Variants in MAST3 observed in about 807,000 individuals in gnomAD.
MAST3 encodes the protein microtubule associated serine/threonine kinase 3, also known as microtubule-associated serine/threonine-protein kinase 3.
In MAST3, 43 loss-of-function variants were observed where a neutral mutation model predicts 127.0. That is an observed-to-expected ratio of 0.34 (90% CI 0.27 to 0.44). MAST3 has a LOEUF of 0.44. Among genes scored for constraint, MAST3 ranks in the 20% least tolerant of loss-of-function variants. The probability of loss-of-function intolerance (pLI) is 1.00; values close to 1 mark genes in which losing one functional copy is unlikely to be tolerated. For missense variants in MAST3, 1,390 were observed against 1,919.1 expected, an observed-to-expected ratio of 0.72 and a Z score of 5.15; for synonymous variants, 785 against 809.2, an observed-to-expected ratio of 0.97 and a Z score of 0.51.
rs763484400 is a variant in MAST3 at position 18,128,432 on chromosome 19, C to G, written c.1111C>G (p.Gln371Glu). Residue 371 changes from glutamine (Q) to glutamate (E), a missense_variant, in exon 12 of 28, where the codon CAG (glutamine) becomes GAG (glutamate). Physicochemically the swap from Gln to Glu is conservative, Grantham distance 29. Transcript: ENST00000687212. ...MVPLSHLEEEQPPAPESPESR... is the reference protein window; with the variant it reads ...MVPLSHLEEEEPPAPESPESR... ...GCCACTGAGTCACCTCGAAGAAGAA[C>G]AGCCCCCAGCACCTGAGTCCCCAGA... is the stretch of plus-strand genomic sequence containing the variant. The G allele has an allele frequency of 3.9e-5, 61 of 1,556,980 alleles. No homozygotes were observed. Among genetic ancestry groups the G allele is most frequent in the Admixed American group, 7.7e-5 (4 of 51,802 alleles).
At chr19:18,142,314 A>G (rs1322741606) in intron 21 of MAST3, among the ~76,000 whole-genome samples, 2 of 149,386 alleles carry the variant, frequency 1.3e-5, no homozygotes, top group Non-Finnish European at 3.0e-5. Context: ...GAAACAGTCA[A>G]TGTCTGCTAG....
chr19:18,116,772 C>T (rs117675495), intron 3 of MAST3, among the ~76,000 whole-genome samples: 1 of 3,536 alleles, frequency 2.8e-4, no homozygotes, highest in Admixed American at 2.6e-3. Context: ...ATTAGCTGGG[C>T]GTGGTGGTGC....
chr19:18,113,626 A>T (rs1279961883), intron 3 of MAST3, among the ~76,000 whole-genome samples: 1 of 152,062 alleles, frequency 6.6e-6, no homozygotes, highest in Non-Finnish European at 1.5e-5. Context: ...ACTCCTGGCT[A>T]ATTTTTTGTA....
In MAST3 at chr19:18,144,432, G is replaced by A. The variant is rs1197791285; in HGVS notation, c.2585-34G>A. The A allele has an allele frequency of 6.6e-7, 1 of 1,524,802 alleles. No individual in the cohort carries two copies. Among genetic ancestry groups the A allele is most frequent in the Non-Finnish European group, 8.8e-7 (1 of 1,130,010 alleles). 94.5% of individuals were successfully genotyped at this position (1,524,802 alleles called of 1,614,324 possible). On this transcript the variant is annotated intron_variant, in intron 22 of 27. Coordinates refer to ENST00000687212, the MANE Select transcript of MAST3 (RefSeq NM_001393504.1). The surrounding 1 kb of genome is among the most constrained non-coding windows in gnomAD (Gnocchi z 4.0). Reference sequence around the variant, plus strand: ...CCCTTTAGGACCACATGGTGAGTTTGAGGGGCACCCAGCTGACCCTGCTGA... The same window carrying A: ...CCCTTTAGGACCACATGGTGAGTTTAAGGGGCACCCAGCTGACCCTGCTGA...
chr19:18,116,510 G>C (rs2039275941), intron 3 of MAST3, among the ~76,000 whole-genome samples: 1 of 149,918 alleles, frequency 6.7e-6, no homozygotes, highest in African/African-American at 2.4e-5. Flanking sequence ...GGCCAGGCTG[G>C]TCTCAAACTC....
At position 18,130,709 on chromosome 19, in the gene MAST3, T is replaced by C. The variant is rs746038589; in HGVS notation, c.1432+7T>C. On this transcript the variant is annotated splice_region_variant and intron_variant, in intron 14 of 27. Coordinates refer to ENST00000687212, the MANE Select transcript of MAST3 (RefSeq NM_001393504.1). ...GTCATGGAATACGTGGAAGGTACGC[T>C]CACTGGGGCTTGCATGCCTCCAGCG... The C allele has an allele frequency of 1.2e-6, 2 of 1,611,924 alleles. No homozygotes were observed. Among genetic ancestry groups the C allele is most frequent in the African/African-American group, 2.7e-5 (2 of 74,868 alleles).
intron 12 of MAST3, 69 bp from the exon 13 acceptor site, chr19:18,128,797 G>T (rs1385231272): frequency 4.7e-6 from 6 of 1,281,072 alleles, no homozygotes; most frequent in Non-Finnish European, 6.8e-6. Context: ...AGTGGTTTGG[G>T]CTTGGGGGCA....
rs140417255 is a variant in MAST3, at chr19:18,103,186, C to T, written c.40-4401C>T. Among the ~76,000 whole-genome samples, 65 of 152,148 alleles carry T rather than the reference C, an allele frequency of 4.3e-4. No individual in the cohort carries two copies. The East Asian group carries it at 0.011, about 26-fold the overall frequency. On this transcript the variant is annotated intron_variant, in intron 1 of 27. Coordinates refer to ENST00000687212, the MANE Select transcript of MAST3 (RefSeq NM_001393504.1). ...AGGAGAGTTCTGTGTGGTCCAGCTT[C>T]CCCGGGAGCCTTTGCAGGGAGCTGC...
In MAST3 at chr19:18,134,693, A is replaced by C; in HGVS notation, c.1686A>C (p.Arg562=). ...LYEGHIEKDA[R]EFIDKQVCGT... ...AGGGCCACATCGAGAAGGACGCCCG[A>C]GAGTTCATCGACAAGCAGGTGGGCG... Residue 562 remains arginine (R), a synonymous_variant, in exon 16 of 28, where the codon CGA becomes CGC. Transcript: ENST00000687212. The C allele has an allele frequency of 6.2e-7, 1 of 1,613,664 alleles. No individual in the cohort carries two copies. The highest frequency in any genetic ancestry group is 8.5e-7 in the Non-Finnish European group (1 of 1,179,800).
At chr19:18,119,164 A>G (rs1568561476) in intron 3 of MAST3, among the ~76,000 whole-genome samples, 1 of 152,250 alleles carries the variant, frequency 6.6e-6, no homozygotes, top group East Asian at 1.9e-4. Flanking sequence ...TTGGGAAGTG[A>G]ACAGATGATG....
At chr19:18,137,450 AC>A in intron 19 of MAST3, 89 bp downstream of exon 19, 1 of 1,435,524 alleles carries the variant, frequency 7.0e-7, no homozygotes, top group South Asian at 1.3e-5. Flanking sequence ...CAGGCATTCC[AC>A]CCGAGCTTGG....
intron 3 of MAST3, among the ~76,000 whole-genome samples, chr19:18,115,893 C>T (rs1454356886): frequency 2.6e-5 from 4 of 152,204 alleles, no homozygotes; most frequent in Non-Finnish European, 5.9e-5. Context: ...GTCAGCCCCG[C>T]TGGCATTTTG....
chr19:18,139,388 A>G (rs1408912086), intron 20 of MAST3, among the ~76,000 whole-genome samples: 2 of 151,858 alleles, frequency 1.3e-5, no homozygotes, highest in Admixed American at 6.6e-5. Context: ...GCAATGGCGC[A>G]GTCTCGGCTC....
Position 18,121,902 on chromosome 19 carries a change from A to T in MAST3, c.300A>T (p.Leu100=). ...SPRNFSAASA[L]NFPFARRADG... ...GGAATTTCTCGGCTGCCTCTGCCCT[A>T]AATTTCCCCTTTGCCCGGAGGTGAG... The change falls in exon 5 of 28, where the codon CTA becomes CTT. Residue 100 remains leucine, a synonymous_variant. Coordinates refer to ENST00000687212, the MANE Select transcript of MAST3 (RefSeq NM_001393504.1). The T allele has an allele frequency of 6.2e-7, 1 of 1,613,968 alleles. No individual in the cohort carries two copies. The highest frequency in any genetic ancestry group is 8.5e-7 in the Non-Finnish European group (1 of 1,179,888).
intron 3 of MAST3, among the ~76,000 whole-genome samples, chr19:18,119,303 G>T (rs1004936515): frequency 3.3e-5 from 5 of 152,242 alleles, no homozygotes; most frequent in Non-Finnish European, 7.3e-5. Context: ...AGCAGGATCG[G>T]GGAGGGAGGG....
At chr19:18,131,657 C>CT (rs1299035064) in intron 14 of MAST3, among the ~76,000 whole-genome samples, 1 of 150,190 alleles carries the variant, frequency 6.7e-6, no homozygotes, top group Non-Finnish European at 1.5e-5. Context: ...CGAGATCGCG[C>CT]CACTGCACTC....
intron 21 of MAST3, among the ~76,000 whole-genome samples, chr19:18,142,620 G>C (rs1040454449): frequency 6.6e-6 from 1 of 150,916 alleles, no homozygotes; most frequent in Non-Finnish European, 1.5e-5. Flanking sequence ...AAAGTGCTAG[G>C]ATTACAGGCG....
In MAST3 at chr19:18,123,213, C is replaced by T. The variant is rs1277764226; in HGVS notation, c.400-4C>T. ...TGGCTCTGATCCCCACCACTCTCTACCAGTCAAGCTCATCCTCCCGGGAAC... is the reference window on the plus strand; with the variant it reads ...TGGCTCTGATCCCCACCACTCTCTATCAGTCAAGCTCATCCTCCCGGGAAC... On this transcript the variant is annotated splice_polypyrimidine_tract_variant and splice_region_variant and intron_variant, in intron 6 of 27. Coordinates refer to ENST00000687212, the MANE Select transcript of MAST3 (RefSeq NM_001393504.1). The T allele has an allele frequency of 1.9e-6, 3 of 1,613,566 alleles. No individual in the cohort carries two copies. The highest frequency in any genetic ancestry group is 1.7e-6 in the Non-Finnish European group (2 of 1,179,876).
intron 17 of MAST3, among the ~76,000 whole-genome samples, chr19:18,135,334 G>C (rs553766569): frequency 1.1e-4 from 17 of 152,028 alleles, no homozygotes; most frequent in African/African-American, 4.1e-4. Flanking sequence ...GCATGGTGGC[G>C]GGCACCTGTA....
Sources: allele counts gnomAD v4.1 joint callset (sites outside exome capture counted in the v4.1 genomes callset), GRCh38; gene constraint gnomAD v4.1.1; non-coding constraint Gnocchi (gnomAD v3.1); transcripts MANE v1.5; gene names NCBI Gene and HGNC (gene_info 2026-07-23, HGNC 2026-07-21).